The following PTPRR variants were observed in gnomAD, a reference collection of about 807,000 sequenced individuals.
PTPRR encodes the protein protein tyrosine phosphatase receptor type R, also known as receptor-type tyrosine-protein phosphatase R.
A neutral mutation model predicts 77.2 loss-of-function variants in PTPRR; 38 were observed. The observed-to-expected ratio is 0.49, with a 90% confidence interval of 0.38 to 0.65. PTPRR has a LOEUF of 0.65. Among genes scored for constraint, PTPRR ranks in the 30% least tolerant of loss-of-function variants. The probability of loss-of-function intolerance (pLI) is 0.00; values close to 1 mark genes in which losing one functional copy is unlikely to be tolerated. For missense variants in PTPRR, 744 were observed against 799.2 expected, an observed-to-expected ratio of 0.93 and a Z score of 0.83; for synonymous variants, 299 against 283.1, an observed-to-expected ratio of 1.06 and a Z score of -0.57.
chr12:70,648,884 AAAG>A (rs1886294431), intron 13 of PTPRR, among the ~76,000 whole-genome samples: 2 of 152,168 alleles, frequency 1.3e-5, no homozygotes, highest in African/African-American at 4.8e-5. Context: ...GGAAAAAAAA[AAAG>A]AAATCTTATT....
chr12:70,667,363 T>C (rs77895741), intron 10 of PTPRR, among the ~76,000 whole-genome samples: 8,208 of 152,166 alleles, frequency 0.054, 439 homozygotes, highest in East Asian at 0.25. Context: ...CAAAGTTAGA[T>C]TTGGAATATA....
intron 10 of PTPRR, among the ~76,000 whole-genome samples, chr12:70,681,531 A>G (rs1233397096): frequency 2.0e-5 from 3 of 151,982 alleles, no homozygotes; most frequent in African/African-American, 7.3e-5. Flanking sequence ...CTGGCTGGGG[A>G]GATGGCGGTG....
At chr12:70,670,264 T>G (rs1887171869) in intron 10 of PTPRR, among the ~76,000 whole-genome samples, 1 of 152,214 alleles carries the variant, frequency 6.6e-6, no homozygotes, top group Admixed American at 6.5e-5. Flanking sequence ...AGGGTCTTAT[T>G]GCTCTTTGGG....
At chr12:70,833,171 G>C (rs1892244398) in intron 2 of PTPRR, among the ~76,000 whole-genome samples, 2 of 152,024 alleles carry the variant, frequency 1.3e-5, no homozygotes, top group Admixed American at 6.6e-5. Context: ...TATGAGGCAG[G>C]GACTTTGAGG....
chr12:70,750,610 T>TG (rs1217203988), intron 5 of PTPRR, among the ~76,000 whole-genome samples: 1 of 152,230 alleles, frequency 6.6e-6, no homozygotes, highest in African/African-American at 2.4e-5. Flanking sequence ...GACTCCTCTG[T>TG]GGTAAGTTCC....
At chr12:70,900,624 C>T (rs192594417) in intron 1 of PTPRR, among the ~76,000 whole-genome samples, 110 of 151,682 alleles carry the variant, frequency 7.3e-4, no homozygotes, top group African/African-American at 2.5e-3. Context: ...GCAAACCACA[C>T]ATCTGATAAG....
chr12:70,721,586 T>C (rs961843100), intron 6 of PTPRR, among the ~76,000 whole-genome samples: 1 of 150,030 alleles, frequency 6.7e-6, no homozygotes, highest in African/African-American at 2.5e-5. Flanking sequence ...AGCTTTCTTA[T>C]AGGGCCTTGG....
intron 2 of PTPRR, among the ~76,000 whole-genome samples, chr12:70,820,351 A>T (rs1224720698): frequency 6.6e-6 from 1 of 152,022 alleles, no homozygotes; most frequent in African/African-American, 2.4e-5. Flanking sequence ...TTTTGGTGAG[A>T]TGGAGTCTCA....
chr12:70,808,206 G>A (rs1221021941), intron 2 of PTPRR, among the ~76,000 whole-genome samples: 1 of 152,052 alleles, frequency 6.6e-6, no homozygotes, highest in African/African-American at 2.4e-5. Flanking sequence ...ATTCCAGCCT[G>A]GCAAATTCTA....
chr12:70,775,080 A>G (rs752817981), intron 2 of PTPRR, among the ~76,000 whole-genome samples: 2 of 152,268 alleles, frequency 1.3e-5, no homozygotes, highest in Non-Finnish European at 2.9e-5. Context: ...CAAAGAGATT[A>G]AAATGTTCTT....
intron 2 of PTPRR, among the ~76,000 whole-genome samples, chr12:70,783,246 G>C (rs1891242224): frequency 6.6e-6 from 1 of 152,100 alleles, no homozygotes; most frequent in African/African-American, 2.4e-5. Flanking sequence ...TCTGTAGGCT[G>C]GTCATCTGTG....
chr12:70,698,275 G>T lies in PTPRR; in HGVS notation c.1269C>A (p.Thr423=), dbSNP rs1888300958. Residue 423 remains threonine (T), a synonymous_variant, in exon 8 of 14, where the codon ACC becomes ACA. Coordinates refer to ENST00000283228, the MANE Select transcript of PTPRR (RefSeq NM_002849.4). Reference sequence around the variant, plus strand: ...AATCAAGAAGCTTACTTGGTAAAATGGTCTTATAGCGATTTTTAGTTCCAT... The same window carrying T: ...AATCAAGAAGCTTACTTGGTAAAATTGTCTTATAGCGATTTTTAGTTCCAT... ...PRHGTKNRYK[T]ILPNPLSRVC... is the part of the protein sequence containing the mutation. The T allele has an allele frequency of 1.2e-5, 20 of 1,612,376 alleles. No homozygotes were observed. Among genetic ancestry groups the T allele is most frequent in the Non-Finnish European group, 1.6e-5 (19 of 1,178,918 alleles).
At chr12:70,648,832 A>C in intron 13 of PTPRR, among the ~76,000 whole-genome samples, 1 of 152,072 alleles carries the variant, frequency 6.6e-6, no homozygotes, top group East Asian at 1.9e-4. Context: ...CTTCTAAATA[A>C]AACATTCGTG....
chr12:70,752,041 T>C (rs1427462981), intron 5 of PTPRR, among the ~76,000 whole-genome samples: 1 of 152,206 alleles, frequency 6.6e-6, no homozygotes, highest in Non-Finnish European at 1.5e-5. Context: ...ATATTTTCTA[T>C]AGGCTTGACT....
chr12:70,754,508 G>C, intron 4 of PTPRR: 1 of 1,576,390 alleles, frequency 6.3e-7, no homozygotes, highest in South Asian at 1.1e-5. Context: ...CTCCTATGCA[G>C]GAGCAAGCGT....
In PTPRR at chr12:70,638,624, T is replaced by C. The variant is rs1452503168; in HGVS notation, c.*560A>G. 6.5e-6 allele frequency: 1 copy of C among 152,766 alleles called. No individual in the cohort carries two copies. Among genetic ancestry groups the C allele is most frequent in the African/African-American group, 2.4e-5 (1 of 41,448 alleles). The allele number at this position is 152,766 out of a possible 1,614,324, so 9.5% of individuals were successfully genotyped here. The stretch of plus-strand genomic sequence containing the variant: ...ACATTTCCATATAAAATAGTTACTG[T>C]TTTTGATTTTTGTTTTTCAAAAACA... On this transcript the variant is annotated 3_prime_UTR_variant, in exon 14 of 14. Coordinates refer to ENST00000283228, the MANE Select transcript of PTPRR (RefSeq NM_002849.4).
chr12:70,904,115 T>C (rs1386121860), intron 1 of PTPRR, among the ~76,000 whole-genome samples: 1 of 151,900 alleles, frequency 6.6e-6, no homozygotes. Flanking sequence ...CAGGTGAGAA[T>C]GCAAAATGGC....
chr12:70,900,164 T>G (rs372224977), intron 1 of PTPRR, among the ~76,000 whole-genome samples: 2 of 151,388 alleles, frequency 1.3e-5, no homozygotes, highest in African/African-American at 4.8e-5. Flanking sequence ...TTCTAAAATT[T>G]ACATAGAAAG....
intron 4 of PTPRR, among the ~76,000 whole-genome samples, chr12:70,758,175 C>T (rs1244956590): frequency 1.3e-5 from 2 of 152,212 alleles, no homozygotes; most frequent in Non-Finnish European, 2.9e-5. Flanking sequence ...TTCTGTAATG[C>T]ATATTTTCTA....
Sources: allele counts gnomAD v4.1 joint callset (sites outside exome capture counted in the v4.1 genomes callset), GRCh38; gene constraint gnomAD v4.1.1; transcripts MANE v1.5; gene names NCBI Gene and HGNC (gene_info 2026-07-23, HGNC 2026-07-21).